Variants in ZNF804A observed in about 807,000 individuals in gnomAD.
ZNF804A encodes zinc finger protein 804A.
In ZNF804A, 2 loss-of-function variants were observed where a neutral mutation model predicts 16.5. That is an observed-to-expected ratio of 0.12 (90% CI 0.05 to 0.38). The LOEUF (loss-of-function observed/expected upper bound fraction) is 0.38, where lower values mean the gene tolerates loss of function less well. Ranked by LOEUF, ZNF804A falls within the 10% of genes least tolerant of loss-of-function variation. The pLI is 0.99. For missense variants in ZNF804A, 1,473 were observed against 1,390.7 expected (o/e 1.06, Z -0.94); for synonymous variants, 534 against 489.6 (o/e 1.09, Z -1.20).
At position 184,933,705 on chromosome 2, in the gene ZNF804A, C is replaced by T; in HGVS notation, c.358C>T (p.Leu120=). The T allele has an allele frequency of 2.5e-6, 4 of 1,604,906 alleles. No individual in the cohort carries two copies. The highest frequency in any genetic ancestry group is 3.4e-6 in the Non-Finnish European group (4 of 1,177,396). ...AAAGGCACTCCAACGCCTGCACAAG[C>T]TGGCTGAGCTAAGAAAGGAAACTGT... ...QEKALQRLHK[L]AELRKETVCA... Residue 120 remains leucine, a synonymous_variant, in exon 3 of 4, where the codon CTG becomes TTG. Coordinates refer to ENST00000302277, the MANE Select transcript of ZNF804A (RefSeq NM_194250.2).
At chr2:184,863,245 A>G (rs1049403810) in intron 1 of ZNF804A, among the ~76,000 whole-genome samples, 51 of 152,246 alleles carry the variant, frequency 3.3e-4, no homozygotes, top group African/African-American at 1.2e-3. Context: ...TTTGCTCATT[A>G]TATCCTGGAG....
intron 1 of ZNF804A, among the ~76,000 whole-genome samples, chr2:184,791,361 A>T (rs75496777): frequency 1.3e-3 from 192 of 152,228 alleles, no homozygotes; most frequent in Admixed American, 5.6e-3. Context: ...TGTAGTGGTG[A>T]CAACTCTTAG....
intron 1 of ZNF804A, among the ~76,000 whole-genome samples, chr2:184,701,659 C>G (rs1032863784): frequency 2.0e-5 from 3 of 151,794 alleles, no homozygotes; most frequent in African/African-American, 7.2e-5. Context: ...GCTTGATTTT[C>G]TTAAAAATCA....
chr2:184,611,085 G>A (rs891904715), intron 1 of ZNF804A, among the ~76,000 whole-genome samples: 3 of 152,090 alleles, frequency 2.0e-5, no homozygotes, highest in African/African-American at 7.2e-5. Flanking sequence ...TGCCAATTTG[G>A]TGTCTGGTGA....
At chr2:184,864,391 A>G (rs1276876652) in intron 1 of ZNF804A, among the ~76,000 whole-genome samples, 1 of 152,222 alleles carries the variant, frequency 6.6e-6, no homozygotes, top group Non-Finnish European at 1.5e-5. Flanking sequence ...AACACCTCCC[A>G]TTAGGCCCCA....
At chr2:184,771,152 GA>G (rs1177352564) in intron 1 of ZNF804A, among the ~76,000 whole-genome samples, 1 of 151,800 alleles carries the variant, frequency 6.6e-6, no homozygotes, top group African/African-American at 2.4e-5. Context: ...TGGAAACCAG[GA>G]AAAAATATTT....
intron 1 of ZNF804A, among the ~76,000 whole-genome samples, chr2:184,735,074 G>T (rs372376477): frequency 8.6e-5 from 13 of 151,962 alleles, no homozygotes; most frequent in East Asian, 5.8e-4. Flanking sequence ...ATTGCTTCTA[G>T]ATAACATGTA....
intron 1 of ZNF804A, among the ~76,000 whole-genome samples, chr2:184,724,080 T>C (rs7582887): frequency 0.34 from 50,759 of 151,460 alleles, 11,849 homozygotes; most frequent in African/African-American, 0.66. Context: ...TTTACTTCTA[T>C]TTCTCTTCCT....
chr2:184,711,524 G>C (rs192021548), intron 1 of ZNF804A, among the ~76,000 whole-genome samples: 1 of 151,828 alleles, frequency 6.6e-6, no homozygotes, highest in East Asian at 1.9e-4. Context: ...AGTACTACTT[G>C]TCTATTTTTG....
intron 2 of ZNF804A, among the ~76,000 whole-genome samples, chr2:184,888,061 A>C (rs1237313156): frequency 6.6e-6 from 1 of 152,168 alleles, no homozygotes; most frequent in Non-Finnish European, 1.5e-5. Context: ...TCTCAATAAG[A>C]AACCTCCTCT....
intron 1 of ZNF804A, among the ~76,000 whole-genome samples, chr2:184,812,741 A>C (rs1694921464): frequency 6.6e-6 from 1 of 152,124 alleles, no homozygotes; most frequent in Non-Finnish European, 1.5e-5. Flanking sequence ...CAAAAGTAAG[A>C]AGATTGTTGT....
intron 2 of ZNF804A, among the ~76,000 whole-genome samples, chr2:184,912,032 C>T (rs1685367168): frequency 6.6e-6 from 1 of 151,816 alleles, no homozygotes; most frequent in Non-Finnish European, 1.5e-5. Flanking sequence ...AAAAAATTCA[C>T]CATAATAAAG....
intron 1 of ZNF804A, among the ~76,000 whole-genome samples, chr2:184,611,937 G>A (rs1340172316): frequency 6.6e-6 from 1 of 152,158 alleles, no homozygotes; most frequent in Admixed American, 6.5e-5. Context: ...TAGAGTTGAT[G>A]ACCAATTATA....
chr2:184,825,759 C>G (rs1416906934), intron 1 of ZNF804A, among the ~76,000 whole-genome samples: 2 of 151,994 alleles, frequency 1.3e-5, no homozygotes, highest in Non-Finnish European at 2.9e-5. Flanking sequence ...TACAGATTTG[C>G]ATCTTCAAAA....
intron 1 of ZNF804A, among the ~76,000 whole-genome samples, chr2:184,771,203 A>G (rs181742347): frequency 6.2e-4 from 95 of 152,240 alleles, no homozygotes; most frequent in African/African-American, 2.2e-3. Flanking sequence ...AAAATAGTCA[A>G]TACTATTTCA....
At chr2:184,913,141 G>A (rs576218340) in intron 2 of ZNF804A, among the ~76,000 whole-genome samples, 2 of 152,048 alleles carry the variant, frequency 1.3e-5, no homozygotes, top group South Asian at 2.1e-4. Context: ...CCATTCTTTT[G>A]CAAACTTAGC....
At chr2:184,831,656 TG>T (rs1172592081) in intron 1 of ZNF804A, among the ~76,000 whole-genome samples, 1 of 151,860 alleles carries the variant, frequency 6.6e-6, no homozygotes, top group African/African-American at 2.4e-5. Flanking sequence ...TGAAACACAC[TG>T]ATTTAAATAG....
intron 1 of ZNF804A, among the ~76,000 whole-genome samples, chr2:184,724,568 G>GA (rs11414272): frequency 0.33 from 50,713 of 151,400 alleles, 11,829 homozygotes; most frequent in African/African-American, 0.66. Flanking sequence ...AGATACTACT[G>GA]TATTATTAGA....
In ZNF804A at chr2:184,798,914, C is replaced by T. The variant is rs576933472; in HGVS notation, c.112-67455C>T. ...AGGCTGTAGTTCAGATCCTTTTGTC[C>T]CACAGGGTGTTCCCTTGATGTTGTA... On this transcript the variant is annotated intron_variant, in intron 1 of 3. Transcript: ENST00000302277. Among the ~76,000 whole-genome samples the T allele has an allele frequency of 2.6e-4, 39 of 152,104 alleles. 1 individual carries two copies. Among genetic ancestry groups the T allele is most frequent in the African/African-American group, 9.2e-4 (38 of 41,496 alleles).
Sources: allele counts gnomAD v4.1 joint callset (sites outside exome capture counted in the v4.1 genomes callset), GRCh38; gene constraint gnomAD v4.1.1; transcripts MANE v1.5; gene names NCBI Gene and HGNC (gene_info 2026-07-23, HGNC 2026-07-21).